Variants in FGD4 observed in about 807,000 individuals in gnomAD.
The protein encoded by FGD4 is FYVE, RhoGEF and PH domain-containing protein 4.
Under a neutral mutation model 102.0 loss-of-function variants are expected in FGD4, and 42 were observed. The ratio of observed to expected loss-of-function variants is 0.41; its 90% confidence interval spans 0.32 to 0.53. The LOEUF is 0.53. Ranked by LOEUF, FGD4 falls within the 20% of genes least tolerant of loss-of-function variation. The pLI, the probability that FGD4 is intolerant of heterozygous loss-of-function variation, is 0.21. For missense variants in FGD4, 902 were observed against 1,078.2 expected (o/e 0.84, Z 2.29); for synonymous variants, 380 against 375.7 (o/e 1.01, Z -0.13).
chr12:32,568,725 A>C (rs1040924504), intron 2 of FGD4, among the ~76,000 whole-genome samples: 1 of 152,228 alleles, frequency 6.6e-6, no homozygotes, highest in African/African-American at 2.4e-5. Context: ...TCTATGTATA[A>C]TGATCCATTC....
At chr12:32,558,117 C>A (rs1381524310) in intron 1 of FGD4, among the ~76,000 whole-genome samples, 1 of 152,064 alleles carries the variant, frequency 6.6e-6, no homozygotes, top group Non-Finnish European at 1.5e-5. Flanking sequence ...AACAGAAACC[C>A]AATTTGAGGG....
chr12:32,551,549 A>G (rs533185565), intron 1 of FGD4, among the ~76,000 whole-genome samples: 54 of 152,312 alleles, frequency 3.5e-4, no homozygotes, highest in Middle Eastern at 3.4e-3. Context: ...TGACCTCAGG[A>G]AAATGAGGGT....
chr12:32,598,604 A>G lies in FGD4; in HGVS notation c.1101+18A>G. 1 of 1,591,878 alleles carries G rather than the reference A, an allele frequency of 6.3e-7. No homozygotes were observed. Among genetic ancestry groups the G allele is most frequent in the Non-Finnish European group, 8.6e-7 (1 of 1,160,018 alleles). On this transcript the variant is annotated intron_variant, in intron 5 of 16. Coordinates refer to ENST00000534526, the MANE Select transcript of FGD4 (RefSeq NM_001370298.3). ...TAGATCAGGTAAGATTTTCTTTCTC[A>G]GAATTATTTTATATTTTGGCATTAT...
chr12:32,599,681 G>GGAA (rs1193604796), intron 5 of FGD4, among the ~76,000 whole-genome samples: 2 of 148,934 alleles, frequency 1.3e-5, no homozygotes, highest in Non-Finnish European at 3.0e-5. Flanking sequence ...CCGAGTAGCT[G>GGAA]GAATTACAGG....
chr12:32,625,165 C>G (rs1369526981), intron 13 of FGD4, 97 bp downstream of exon 13: 2 of 1,029,672 alleles, frequency 1.9e-6, no homozygotes, highest in Non-Finnish European at 3.0e-6. Flanking sequence ...TTTCCCTTTA[C>G]AATGTCAGAA....
chr12:32,443,051 C>A (rs1049720291), intron 1 of FGD4, among the ~76,000 whole-genome samples: 3 of 152,128 alleles, frequency 2.0e-5, no homozygotes, highest in African/African-American at 7.2e-5. Flanking sequence ...GAGTTGAATT[C>A]TTTATGCATT....
chr12:32,509,728 C>T lies in FGD4; in HGVS notation c.167-54409C>T, dbSNP rs1939167988. Among the ~76,000 whole-genome samples the T allele has an allele frequency of 2.0e-5, 3 of 152,260 alleles. No individual in the cohort carries two copies. In the South Asian group the frequency reaches 6.2e-4, roughly 32 times the overall value. The stretch of plus-strand genomic sequence containing the variant: ...AACAACACAAAGGTGTCTCATGGAA[C>T]CCAGGGGCAATAAATTCATCCAGGC... On this transcript the variant is annotated intron_variant, in intron 1 of 16. Coordinates refer to ENST00000534526, the MANE Select transcript of FGD4 (RefSeq NM_001370298.3).
intron 4 of FGD4, among the ~76,000 whole-genome samples, chr12:32,595,065 C>G (rs1592338752): frequency 6.7e-6 from 1 of 148,266 alleles, no homozygotes; most frequent in Non-Finnish European, 1.5e-5. Context: ...CAAAATAAAA[C>G]AAAGGGCTTA....
At chr12:32,537,745 A>G (rs7306332) in intron 1 of FGD4, among the ~76,000 whole-genome samples, 23,246 of 152,180 alleles carry the variant, frequency 0.15, 2,182 homozygotes, top group African/African-American at 0.27. Flanking sequence ...AAAATATGTT[A>G]TGCCTTATTC....
chr12:32,532,169 T>G (rs1272831619), intron 1 of FGD4, among the ~76,000 whole-genome samples: 1 of 152,172 alleles, frequency 6.6e-6, no homozygotes, highest in Non-Finnish European at 1.5e-5. Flanking sequence ...TTAGTCACAG[T>G]AAGAGATTAA....
intron 1 of FGD4, among the ~76,000 whole-genome samples, chr12:32,560,369 G>A (rs931925182): frequency 3.9e-5 from 6 of 151,954 alleles, no homozygotes; most frequent in Admixed American, 6.6e-5. Flanking sequence ...CTCGCACCTC[G>A]GCCTTCTAAG....
At chr12:32,407,371 C>T (rs1450805619) in intron 1 of FGD4, among the ~76,000 whole-genome samples, 1 of 152,002 alleles carries the variant, frequency 6.6e-6, no homozygotes, top group African/African-American at 2.4e-5. Flanking sequence ...GGTGATCCAC[C>T]TGCCTTAGCC....
intron 1 of FGD4, among the ~76,000 whole-genome samples, chr12:32,482,098 G>A (rs997996065): frequency 6.6e-6 from 1 of 152,038 alleles, no homozygotes; most frequent in African/African-American, 2.4e-5. Flanking sequence ...TAAATAGAAT[G>A]GATAAATTAA....
At chr12:32,498,956 C>T (rs924413196) in intron 1 of FGD4, among the ~76,000 whole-genome samples, 2 of 152,182 alleles carry the variant, frequency 1.3e-5, no homozygotes, top group African/African-American at 4.8e-5. Flanking sequence ...AGGAATTGCT[C>T]CTGCCCCGGG....
chr12:32,465,756 C>T (rs987718586), intron 1 of FGD4, among the ~76,000 whole-genome samples: 1 of 150,856 alleles, frequency 6.6e-6, no homozygotes, highest in African/African-American at 2.4e-5. Context: ...TTTTTAGCAA[C>T]AAAGTGTGTG....
chr12:32,624,743 G>A, intron 12 of FGD4: 1 of 636,756 alleles, frequency 1.6e-6, no homozygotes. Context: ...CAAAGTGCTG[G>A]GATTACAGGT....
intron 1 of FGD4, among the ~76,000 whole-genome samples, chr12:32,444,965 C>A (rs1031718268): frequency 6.6e-6 from 1 of 152,114 alleles, no homozygotes; most frequent in Admixed American, 6.6e-5. Flanking sequence ...CATTTACCAA[C>A]ATTTAGCAAA....
chr12:32,522,745 T>C (rs1940681079), intron 1 of FGD4, among the ~76,000 whole-genome samples: 2 of 152,218 alleles, frequency 1.3e-5, no homozygotes, highest in African/African-American at 2.4e-5. Flanking sequence ...TTAGGAACCA[T>C]ATTTTGAAAG....
rs149060764 is a variant in FGD4, at chr12:32,584,588, A to AC, written c.1011+2129dup. ...CTTAAGGCCCTATCTTCATGTTGTA[A>AC]CCCCCCCCTCCCAAAAAAAAAGAAA... On this transcript the variant is annotated intron_variant, in intron 4 of 16. Coordinates refer to ENST00000534526, the MANE Select transcript of FGD4 (RefSeq NM_001370298.3). 2.6e-4 allele frequency among the ~76,000 whole-genome samples: 38 copies of AC among 144,578 alleles called. 1 individual carries two copies. The highest frequency in any genetic ancestry group is 2.5e-3 in the South Asian group (11 of 4,470). 94.8% of individuals were successfully genotyped at this position (144,578 alleles called of 152,430 possible).
Sources: allele counts gnomAD v4.1 joint callset (sites outside exome capture counted in the v4.1 genomes callset), GRCh38; gene constraint gnomAD v4.1.1; transcripts MANE v1.5; gene names NCBI Gene and HGNC (gene_info 2026-07-23, HGNC 2026-07-21).